The following AP3S1 variants were observed in gnomAD, a reference collection of about 807,000 sequenced individuals.
The protein encoded by AP3S1 is AP-3 complex subunit sigma-1.
Under a neutral mutation model 21.3 loss-of-function variants are expected in AP3S1, and 12 were observed. That is an observed-to-expected ratio of 0.56 (90% CI 0.36 to 0.91). The LOEUF (loss-of-function observed/expected upper bound fraction) is 0.91, where lower values mean the gene tolerates loss of function less well. Ranked by LOEUF, AP3S1 falls within the 40% of genes least tolerant of loss-of-function variation. The probability of loss-of-function intolerance (pLI) is 0.01; values close to 1 mark genes in which losing one functional copy is unlikely to be tolerated. For missense variants in AP3S1, 116 were observed against 225.0 expected, an observed-to-expected ratio of 0.52 and a Z score of 3.10; for synonymous variants, 48 against 78.4, an observed-to-expected ratio of 0.61 and a Z score of 2.05.
intron 1 of AP3S1, among the ~76,000 whole-genome samples, chr5:115,845,835 TC>T (rs1762016134): frequency 3.9e-5 from 1 of 25,926 alleles, no homozygotes; most frequent in Non-Finnish European, 6.7e-5. Context: ...AGACTCCATC[TC>T]AAAAAAAAAA....
intron 1 of AP3S1, among the ~76,000 whole-genome samples, chr5:115,856,846 T>C (rs1046440983): frequency 6.6e-6 from 1 of 152,188 alleles, no homozygotes; most frequent in Non-Finnish European, 1.5e-5. Context: ...TCTGGAAGTT[T>C]TAAAATATAT....
chr5:115,845,836 C>CAAA lies in AP3S1; in HGVS notation c.69+3766_69+3768dup, dbSNP rs755171274. ...TGGGTGACAGAGTGAGACTCCATCTCAAAAAAAAAAAAAAAAAAAAAAAAA... is the reference window on the plus strand; with the variant it reads ...TGGGTGACAGAGTGAGACTCCATCTCAAAAAAAAAAAAAAAAAAAAAAAAAAAA... On this transcript the variant is annotated intron_variant, in intron 1 of 5. Coordinates refer to ENST00000316788, the MANE Select transcript of AP3S1 (RefSeq NM_001284.4). Among the ~76,000 whole-genome samples, 38 of 34,452 alleles carry CAAA rather than the reference C, an allele frequency of 1.1e-3. 6 individuals carry two copies. Among genetic ancestry groups the CAAA allele is most frequent in the East Asian group, 7.9e-3 (5 of 636 alleles). The allele number at this position is 34,452 out of a possible 152,430, so 22.6% of individuals were successfully genotyped here.
At chr5:115,873,491 A>G (rs1748452308) in intron 3 of AP3S1, among the ~76,000 whole-genome samples, 1 of 152,158 alleles carries the variant, frequency 6.6e-6, no homozygotes, top group Non-Finnish European at 1.5e-5. Flanking sequence ...AAAAAAGAAG[A>G]TTTCTGTAAT....
chr5:115,881,870 T>C (rs1303876874), intron 3 of AP3S1, among the ~76,000 whole-genome samples: 1 of 152,082 alleles, frequency 6.6e-6, no homozygotes, highest in African/African-American at 2.4e-5. Flanking sequence ...TCATGTAGTG[T>C]CATATTTCTT....
intron 5 of AP3S1, chr5:115,912,173 AAGGT>A (rs1386461757): frequency 1.3e-5 from 2 of 151,936 alleles, no homozygotes; most frequent in African/African-American, 4.8e-5. Flanking sequence ...TTAATTAACA[AAGGT>A]AGGATTACAT....
intron 1 of AP3S1, among the ~76,000 whole-genome samples, chr5:115,847,959 A>G (rs6879606): frequency 2.8e-3 from 427 of 152,256 alleles, no homozygotes; most frequent in African/African-American, 9.1e-3. Flanking sequence ...TTTTATGTGG[A>G]GTATGCTGGA....
chr5:115,852,646 C>A (rs1023813103), intron 1 of AP3S1, among the ~76,000 whole-genome samples: 23 of 152,122 alleles, frequency 1.5e-4, no homozygotes, highest in Non-Finnish European at 2.5e-4. Flanking sequence ...CTGTCCCTGG[C>A]AACCACTAAT....
intron 5 of AP3S1, among the ~76,000 whole-genome samples, chr5:115,910,327 T>C (rs541534503): frequency 2.0e-5 from 3 of 151,462 alleles, no homozygotes; most frequent in Non-Finnish European, 4.4e-5. Flanking sequence ...AATATTGTAC[T>C]GCACACACTT....
intron 1 of AP3S1, among the ~76,000 whole-genome samples, chr5:115,866,329 G>T (rs1249634583): frequency 6.6e-6 from 1 of 152,048 alleles, no homozygotes; most frequent in East Asian, 1.9e-4. Context: ...TTCTGATTCA[G>T]TTTACTCATT....
intron 1 of AP3S1, chr5:115,842,552 C>A (rs1166393103): frequency 6.2e-6 from 1 of 160,234 alleles, no homozygotes; most frequent in Non-Finnish European, 1.4e-5. Flanking sequence ...TCTCGCCCCC[C>A]TCCGCCGACT....
intron 1 of AP3S1, among the ~76,000 whole-genome samples, chr5:115,860,599 T>C (rs1763104846): frequency 6.6e-6 from 1 of 152,192 alleles, no homozygotes; most frequent in African/African-American, 2.4e-5. Context: ...TTCATGAGGT[T>C]TTTGCCTAGT....
intron 1 of AP3S1, among the ~76,000 whole-genome samples, chr5:115,851,279 G>C (rs1762420116): frequency 6.6e-6 from 1 of 152,160 alleles, no homozygotes; most frequent in Non-Finnish European, 1.5e-5. Context: ...GAATAATGCT[G>C]TGAACATAGA....
chr5:115,904,230 T>C (rs1054896854), intron 5 of AP3S1: 1 of 152,228 alleles, frequency 6.6e-6, no homozygotes, highest in Middle Eastern at 3.2e-3. Context: ...AGATGTTTCG[T>C]TGATTTAAAG....
chr5:115,873,361 A>G (rs1245054410), intron 3 of AP3S1, among the ~76,000 whole-genome samples: 1 of 152,212 alleles, frequency 6.6e-6, no homozygotes, highest in Non-Finnish European at 1.5e-5. Flanking sequence ...TTGTTTTGAT[A>G]TTAGATAACA....
At chr5:115,849,753 A>C (rs1340073075) in intron 1 of AP3S1, among the ~76,000 whole-genome samples, 2 of 152,114 alleles carry the variant, frequency 1.3e-5, no homozygotes, top group Non-Finnish European at 1.5e-5. Context: ...TAGGCCAGTG[A>C]ATGAAGGTAA....
chr5:115,870,033 G>A lies in AP3S1; in HGVS notation c.178G>A (p.Asp60Asn). 6.3e-7 allele frequency: 1 copy of A among 1,598,964 alleles called. No individual in the cohort carries two copies. Among genetic ancestry groups the A allele is most frequent in the Non-Finnish European group, 8.5e-7 (1 of 1,175,062 alleles). Reference protein sequence around the residue: ...LEGGLLIGGSDNKLIYRHYAT... With the variant: ...LEGGLLIGGSNNKLIYRHYAT... ...GTCATTTAGATTAATTGGAGGATCT[G>A]ACAACAAACTGATTTATAGACATTA... The change falls in exon 3 of 6, where the codon GAC (aspartate) becomes AAC (asparagine). Residue 60 changes from aspartate to asparagine, a missense_variant. Transcript: ENST00000316788.
intron 1 of AP3S1, among the ~76,000 whole-genome samples, chr5:115,846,130 C>G (rs17138316): frequency 0.11 from 16,490 of 152,028 alleles, 2,232 homozygotes; most frequent in African/African-American, 0.32. Context: ...AAAATCCCTT[C>G]GGTTGTGATT....
At chr5:115,895,864 A>G (rs921429192) in intron 4 of AP3S1, among the ~76,000 whole-genome samples, 3 of 152,206 alleles carry the variant, frequency 2.0e-5, no homozygotes, top group Non-Finnish European at 4.4e-5. Context: ...TAGGTTTGGA[A>G]GAAGGTAGAA....
intron 1 of AP3S1, among the ~76,000 whole-genome samples, chr5:115,860,393 C>T (rs535507425): frequency 1.3e-5 from 2 of 152,204 alleles, no homozygotes; most frequent in African/African-American, 4.8e-5. Context: ...TTTGGTGGGC[C>T]GTTTTTCTGG....
Sources: allele counts gnomAD v4.1 joint callset (sites outside exome capture counted in the v4.1 genomes callset), GRCh38; gene constraint gnomAD v4.1.1; transcripts MANE v1.5; gene names NCBI Gene and HGNC (gene_info 2026-07-23, HGNC 2026-07-21).